Variants in AUTS2 observed in about 807,000 individuals in gnomAD.
AUTS2 encodes the protein autism susceptibility gene 2 protein.
Under a neutral mutation model 112.4 loss-of-function variants are expected in AUTS2, and 17 were observed. The ratio of observed to expected loss-of-function variants is 0.15; its 90% CI spans 0.10 to 0.23. AUTS2 has a LOEUF of 0.23. Among genes scored for constraint, AUTS2 ranks in the 10% least tolerant of loss-of-function variants. The probability of loss-of-function intolerance (pLI) is 1.00; values close to 1 mark genes in which losing one functional copy is unlikely to be tolerated. For missense variants in AUTS2, 1,510 were observed against 1,701.6 expected (o/e 0.89, Z 1.98); for synonymous variants, 751 against 702.7 (o/e 1.07, Z -1.09).
At chr7:70,009,413 C>T (rs1799695058) in intron 2 of AUTS2, among the ~76,000 whole-genome samples, 1 of 152,052 alleles carries the variant, frequency 6.6e-6, no homozygotes, top group Admixed American at 6.6e-5. Flanking sequence ...ACGTTGGTAT[C>T]GAAAGGAACT....
intron 4 of AUTS2, among the ~76,000 whole-genome samples, chr7:70,276,471 C>T (rs1490868437): frequency 5.9e-5 from 9 of 151,554 alleles, no homozygotes; most frequent in African/African-American, 2.2e-4. Flanking sequence ...CTCTGCCTCC[C>T]GGGTTCAAGT....
At chr7:69,634,042 C>T (rs1438851544) in intron 1 of AUTS2, among the ~76,000 whole-genome samples, 3 of 152,094 alleles carry the variant, frequency 2.0e-5, no homozygotes, top group Admixed American at 2.0e-4. Flanking sequence ...AGTTTTTCCC[C>T]TGTATTCTCT....
At chr7:69,828,290 G>A (rs763372379) in intron 1 of AUTS2, among the ~76,000 whole-genome samples, 7 of 152,160 alleles carry the variant, frequency 4.6e-5, no homozygotes, top group Non-Finnish European at 1.0e-4. Context: ...TCTAGAAAAC[G>A]TTTCCTTGAT....
At chr7:69,720,632 G>C (rs1798880114) in intron 1 of AUTS2, among the ~76,000 whole-genome samples, 1 of 152,108 alleles carries the variant, frequency 6.6e-6, no homozygotes, top group Non-Finnish European at 1.5e-5. Context: ...ATTTTTCTTT[G>C]AAATGAAATA....
chr7:70,432,973 T>C (rs1284577443), intron 4 of AUTS2, among the ~76,000 whole-genome samples: 1 of 152,158 alleles, frequency 6.6e-6, no homozygotes, highest in Non-Finnish European at 1.5e-5. Context: ...ACCCGGCATG[T>C]TGTGTGGGGA....
intron 5 of AUTS2, among the ~76,000 whole-genome samples, chr7:70,460,150 A>G (rs1332961767): frequency 6.6e-6 from 1 of 152,016 alleles, no homozygotes; most frequent in Admixed American, 6.6e-5. Context: ...CTGCCCAGCT[A>G]CCCTGCCTAC....
intron 4 of AUTS2, among the ~76,000 whole-genome samples, chr7:70,196,145 G>A (rs1331493820): frequency 6.6e-6 from 1 of 152,152 alleles, no homozygotes; most frequent in Non-Finnish European, 1.5e-5. Context: ...TGATCTGTTT[G>A]GGGAAAAAGT....
intron 4 of AUTS2, among the ~76,000 whole-genome samples, chr7:70,420,478 A>G (rs570321205): frequency 6.6e-6 from 1 of 152,270 alleles, no homozygotes; most frequent in Non-Finnish European, 1.5e-5. Flanking sequence ...GGTAAAATAA[A>G]CCCTCTGCCA....
chr7:70,629,774 T>C (rs1354880230), intron 5 of AUTS2, among the ~76,000 whole-genome samples: 1 of 152,202 alleles, frequency 6.6e-6, no homozygotes, highest in African/African-American at 2.4e-5. Context: ...TTTTTCTTTT[T>C]TAAAAGCTTT....
At chr7:70,780,431 T>C (rs1790995830) in intron 14 of AUTS2, among the ~76,000 whole-genome samples, 1 of 151,910 alleles carries the variant, frequency 6.6e-6, no homozygotes, top group Admixed American at 6.6e-5. Flanking sequence ...GTTTTTTTTT[T>C]TTGGAGACAG....
At chr7:70,459,018 A>G (rs1796858957) in intron 5 of AUTS2, among the ~76,000 whole-genome samples, 1 of 152,168 alleles carries the variant, frequency 6.6e-6, no homozygotes, top group Non-Finnish European at 1.5e-5. Context: ...CACACATAGG[A>G]TGGCTCAGGA....
intron 2 of AUTS2, among the ~76,000 whole-genome samples, chr7:70,072,964 A>G (rs1031641554): frequency 1.1e-4 from 17 of 151,838 alleles, no homozygotes; most frequent in Non-Finnish European, 2.2e-4. Context: ...AGCAAAGATC[A>G]TATGTCTATT....
chr7:69,830,469 T>C (rs1040063545), intron 1 of AUTS2, among the ~76,000 whole-genome samples: 3 of 152,232 alleles, frequency 2.0e-5, no homozygotes, highest in African/African-American at 7.2e-5. Flanking sequence ...ATTTCACCAA[T>C]GAGCTCAGAT....
At chr7:70,136,410 C>G (rs1442199654) in intron 4 of AUTS2, among the ~76,000 whole-genome samples, 1 of 152,174 alleles carries the variant, frequency 6.6e-6, no homozygotes, top group African/African-American at 2.4e-5. Flanking sequence ...AGTGCAAAAT[C>G]CATTGATATT....
At chr7:69,926,950 A>G (rs1796041036) in intron 2 of AUTS2, among the ~76,000 whole-genome samples, 1 of 146,790 alleles carries the variant, frequency 6.8e-6, no homozygotes, top group African/African-American at 2.5e-5. Context: ...ATATATAAAG[A>G]TATATAACAT....
chr7:70,442,738 T>C (rs1181557791), intron 5 of AUTS2, among the ~76,000 whole-genome samples: 1 of 152,216 alleles, frequency 6.6e-6, no homozygotes, highest in African/African-American at 2.4e-5. Flanking sequence ...CCGGCCCATA[T>C]TGGCCTCCCA....
intron 1 of AUTS2, among the ~76,000 whole-genome samples, chr7:69,639,402 A>G (rs1794700634): frequency 6.6e-6 from 1 of 152,200 alleles, no homozygotes; most frequent in South Asian, 2.1e-4. Flanking sequence ...CAGCAAAACC[A>G]TAGAATTTGA....
Position 70,771,481 on chromosome 7 carries a change from C to T in AUTS2, c.1735-68C>T, listed in dbSNP as rs569237091. Reference sequence around the variant, plus strand: ...CTCATGTCGATGTCTTTCTATGGGACGGGAATTTGAATATGTCACTTGCCT... The same window carrying T: ...CTCATGTCGATGTCTTTCTATGGGATGGGAATTTGAATATGTCACTTGCCT... On this transcript the variant is annotated intron_variant, in intron 10 of 18. Coordinates refer to ENST00000342771, the MANE Select transcript of AUTS2 (RefSeq NM_015570.4). 9.9e-5 allele frequency: 133 copies of T among 1,341,772 alleles called. No individual in the cohort carries two copies. In the African/African-American group the frequency reaches 1.3e-3, roughly 13 times the overall value. 83.1% of individuals were successfully genotyped at this position (1,341,772 alleles called of 1,614,324 possible).
intron 4 of AUTS2, among the ~76,000 whole-genome samples, chr7:70,301,558 A>T (rs1789214260): frequency 6.6e-6 from 1 of 152,166 alleles, no homozygotes; most frequent in Non-Finnish European, 1.5e-5. Flanking sequence ...TGAGGTTCTA[A>T]AGAGGGGATT....
Sources: gnomAD v4.1 joint callset for allele counts (sites outside exome capture counted in the v4.1 genomes callset) on GRCh38, gnomAD v4.1.1 for gene constraint, MANE v1.5 for transcripts, NCBI Gene and HGNC (gene_info 2026-07-23, HGNC 2026-07-21) for gene names.